ERC1: variants seen among roughly 807,000 people sequenced by gnomAD.
ERC1 encodes the protein ELKS/RAB6-interacting/CAST family member 1, also known as RAB6 interacting protein 2.
In ERC1, 56 loss-of-function variants were observed where a neutral mutation model predicts 132.0. The observed-to-expected ratio is 0.42, with a 90% CI of 0.34 to 0.53. The LOEUF is 0.53. ERC1 is among the 20% of genes least tolerant of loss of function. The pLI, the probability that ERC1 is intolerant of heterozygous loss-of-function variation, is 0.03. For synonymous variants in ERC1, 478 were observed against 476.1 expected (o/e 1.00, Z -0.05); for missense variants, 1,202 against 1,349.9 (o/e 0.89, Z 1.72).
chr12:1,299,024 G>T (rs180713409), intron 15 of ERC1, among the ~76,000 whole-genome samples: 3 of 152,214 alleles, frequency 2.0e-5, no homozygotes, highest in South Asian at 2.1e-4. Context: ...CAAAATTCAT[G>T]AAGGACAGAC....
chr12:1,269,583 A>G (rs1288921384), intron 14 of ERC1, among the ~76,000 whole-genome samples: 2 of 152,180 alleles, frequency 1.3e-5, no homozygotes, highest in Admixed American at 1.3e-4. Flanking sequence ...TTAAAAGATC[A>G]TTCTGGGTGT....
intron 8 of ERC1, among the ~76,000 whole-genome samples, chr12:1,164,735 G>C (rs1235591507): frequency 1.3e-5 from 2 of 152,176 alleles, no homozygotes; most frequent in African/African-American, 4.8e-5. Context: ...AGAAGAGTAT[G>C]TGAGATGGAA....
intron 14 of ERC1, among the ~76,000 whole-genome samples, chr12:1,268,627 G>T (rs2077620042): frequency 6.6e-6 from 1 of 152,170 alleles, no homozygotes; most frequent in Admixed American, 6.5e-5. Context: ...TTAGCCAGGT[G>T]TGGTGGCGGG....
chr12:1,296,063 A>C (rs1475837574), intron 15 of ERC1, among the ~76,000 whole-genome samples: 2 of 152,026 alleles, frequency 1.3e-5, no homozygotes, highest in African/African-American at 2.4e-5. Context: ...AGAATTAAAG[A>C]AAAATGTCAT....
chr12:1,058,722 C>A (rs963589638), intron 2 of ERC1, among the ~76,000 whole-genome samples: 3 of 146,850 alleles, frequency 2.0e-5, no homozygotes, highest in African/African-American at 7.5e-5. Flanking sequence ...TTTTTTATTT[C>A]TCTGAAGAAT....
rs201070009 is a variant in ERC1 at position 1,175,264 on chromosome 12, CTCG to C, written c.1738-5271_1738-5269del. ...CAGTGAAGTTTGCTGCATCAATTGA[CTCG>C]TCGTTTCAAAAAAGATTTCTCTGAA... On this transcript the variant is annotated intron_variant, in intron 8 of 18. Transcript: ENST00000360905. 8.1e-3 allele frequency among the ~76,000 whole-genome samples: 1,229 copies of C among 152,130 alleles called. 22 individuals carry two copies. The highest frequency in any genetic ancestry group is 0.027 in the African/African-American group (1,140 of 41,492).
chr12:1,172,962 T>C (rs1475769215), intron 8 of ERC1, among the ~76,000 whole-genome samples: 1 of 152,208 alleles, frequency 6.6e-6, no homozygotes, highest in Non-Finnish European at 1.5e-5. Context: ...CCAGCAGCTT[T>C]AGTGTATGGT....
At chr12:1,256,509 G>T (rs1233781957) in intron 13 of ERC1, among the ~76,000 whole-genome samples, 1 of 149,754 alleles carries the variant, frequency 6.7e-6, no homozygotes, top group Non-Finnish European at 1.5e-5. Flanking sequence ...AACCTCCATT[G>T]TATATCTCTT....
intron 8 of ERC1, 129 bp downstream of exon 8, chr12:1,141,916 T>G: frequency 2.9e-6 from 2 of 684,994 alleles, no homozygotes; most frequent in Non-Finnish European, 4.5e-6. Flanking sequence ...GATTAGTAAT[T>G]TGGAACTCTT....
chr12:1,305,237 G>A (rs565725918), intron 15 of ERC1, among the ~76,000 whole-genome samples: 75 of 152,228 alleles, frequency 4.9e-4, no homozygotes, highest in Middle Eastern at 3.4e-3. Context: ...CAGTTTTTAT[G>A]TTAATTTCTG....
chr12:1,489,796 G>A (rs1180258562), intron 18 of ERC1, among the ~76,000 whole-genome samples: 5 of 152,086 alleles, frequency 3.3e-5, no homozygotes, highest in African/African-American at 4.8e-5. Flanking sequence ...TCTCATGCAC[G>A]TTCATGAGCC....
intron 15 of ERC1, among the ~76,000 whole-genome samples, chr12:1,304,624 A>G (rs539371720): frequency 1.8e-4 from 27 of 152,264 alleles, no homozygotes; most frequent in Middle Eastern, 3.4e-3. Context: ...GTGTCAGCCA[A>G]TTTATTGGAA....
intron 8 of ERC1, among the ~76,000 whole-genome samples, chr12:1,146,655 G>A (rs1398993735): frequency 2.0e-5 from 3 of 150,794 alleles, no homozygotes; most frequent in African/African-American, 7.3e-5. Flanking sequence ...GTAAGTTCTA[G>A]GGTACATGTG....
At position 1,020,207 on chromosome 12, in the gene ERC1, A is replaced by G. The variant is rs1388779729; in HGVS notation, c.-156-7541A>G. Among the ~76,000 whole-genome samples the G allele has an allele frequency of 5.9e-5, 9 of 152,330 alleles. No individual in the cohort carries two copies. In the East Asian group the frequency reaches 1.7e-3, roughly 29 times the overall value. On this transcript the variant is annotated intron_variant, in intron 1 of 18. Transcript: ENST00000360905. ...CACAGTGGCTCATGCTTGTAACCCCAGCACTTTGAGAGACCAAGGCAGATG... is the reference window on the plus strand; with the variant it reads ...CACAGTGGCTCATGCTTGTAACCCCGGCACTTTGAGAGACCAAGGCAGATG...
chr12:1,494,104 C>G lies in ERC1; in HGVS notation c.*3874C>G, dbSNP rs553714292. The G allele has an allele frequency of 2.6e-5, 6 of 231,784 alleles. No homozygotes were observed. The highest frequency in any genetic ancestry group is 5.6e-5 in the Admixed American group (1 of 17,716). 14.4% of individuals were successfully genotyped at this position (231,784 alleles called of 1,614,324 possible). ...AAGAGCCAAGCAGAGAAGACCGCTG[C>G]GTGGAGTGTGACACCACATGGCATT... is the stretch of plus-strand genomic sequence containing the variant. On this transcript the variant is annotated 3_prime_UTR_variant, in exon 19 of 19. Coordinates refer to ENST00000360905, the MANE Select transcript of ERC1 (RefSeq NM_178040.4).
intron 14 of ERC1, among the ~76,000 whole-genome samples, chr12:1,274,812 T>C (rs2078148395): frequency 6.6e-6 from 1 of 152,122 alleles, no homozygotes; most frequent in Non-Finnish European, 1.5e-5. Flanking sequence ...CTTAACACAT[T>C]GATACTTAAA....
chr12:1,033,230 G>GT (rs1032489451), intron 2 of ERC1, among the ~76,000 whole-genome samples: 4 of 152,092 alleles, frequency 2.6e-5, no homozygotes, highest in Admixed American at 1.3e-4. Flanking sequence ...TAGAGATGGA[G>GT]TTTCACTGTG....
At chr12:1,324,255 C>G (rs965671773) in intron 15 of ERC1, among the ~76,000 whole-genome samples, 1 of 152,152 alleles carries the variant, frequency 6.6e-6, no homozygotes, top group Non-Finnish European at 1.5e-5. Flanking sequence ...AGTCTTCTCT[C>G]GTCATTGGCA....
chr12:1,178,042 C>T (rs539919948), intron 8 of ERC1, among the ~76,000 whole-genome samples: 6 of 152,290 alleles, frequency 3.9e-5, no homozygotes, highest in Admixed American at 1.3e-4. Context: ...TGGTCTCTTA[C>T]TGGGCAATTC....
Sources: allele counts gnomAD v4.1 joint callset (sites outside exome capture counted in the v4.1 genomes callset), GRCh38; gene constraint gnomAD v4.1.1; transcripts MANE v1.5; gene names NCBI Gene and HGNC (gene_info 2026-07-23, HGNC 2026-07-21).